Variants in SLC41A2 observed in about 807,000 individuals in gnomAD.
SLC41A2 encodes the protein SLC41A1-like 1.
A neutral mutation model predicts 58.3 loss-of-function variants in SLC41A2; 32 were observed. The observed-to-expected ratio is 0.55, with a 90% confidence interval of 0.41 to 0.74. The LOEUF (loss-of-function observed/expected upper bound fraction) is 0.74. SLC41A2 is among the 30% of genes least tolerant of loss of function. SLC41A2 has a pLI of 0.00. For missense variants in SLC41A2, 514 were observed against 680.6 expected, an observed-to-expected ratio of 0.76 and a Z score of 2.72; for synonymous variants, 190 against 235.0, an observed-to-expected ratio of 0.81 and a Z score of 1.75.
At chr12:104,884,423 C>T (rs1456264629) in intron 6 of SLC41A2, among the ~76,000 whole-genome samples, 2 of 152,160 alleles carry the variant, frequency 1.3e-5, no homozygotes, top group Non-Finnish European at 2.9e-5. Flanking sequence ...TCTTCTGCGT[C>T]GCTCACTGAG....
chr12:104,943,851 A>C (rs2047607933), intron 1 of SLC41A2, among the ~76,000 whole-genome samples: 1 of 152,142 alleles, frequency 6.6e-6, no homozygotes, highest in African/African-American at 2.4e-5. Context: ...TAGTAAAGAG[A>C]GCTCACTAAA....
chr12:104,877,205 A>T (rs1243177679), intron 6 of SLC41A2, among the ~76,000 whole-genome samples: 1 of 152,206 alleles, frequency 6.6e-6, no homozygotes, highest in East Asian at 1.9e-4. Flanking sequence ...TCTCAGCAGG[A>T]TGAATGGAGT....
rs375969264 is a variant in SLC41A2, at chr12:104,955,016, C to CTTTTTTTTTTT, written c.-168+3061_-168+3071dup. The stretch of plus-strand genomic sequence containing the variant: ...AACAGCCCCTGACTCTTGGCCCTTG[C>CTTTTTTTTTTT]TTTTTTTTTTTTTTTTTTTTTTTTG... On this transcript the variant is annotated intron_variant, in intron 1 of 10. Transcript: ENST00000258538. 5.1e-5 allele frequency among the ~76,000 whole-genome samples: 4 copies of CTTTTTTTTTTT among 79,168 alleles called. 1 individual carries two copies. Among genetic ancestry groups the CTTTTTTTTTTT allele is most frequent in the East Asian group, 4.6e-4 (1 of 2,190 alleles). 51.9% of individuals were successfully genotyped at this position (79,168 alleles called of 152,430 possible). A position where few individuals can be genotyped will look rare whatever the true frequency, so the allele number is the denominator to read the frequency against.
At chr12:104,890,163 G>A (rs2044881506) in intron 4 of SLC41A2, among the ~76,000 whole-genome samples, 1 of 152,104 alleles carries the variant, frequency 6.6e-6, no homozygotes, top group Admixed American at 6.6e-5. Flanking sequence ...TCCACGTGCT[G>A]GAATCGAGGG....
intron 6 of SLC41A2, among the ~76,000 whole-genome samples, chr12:104,868,748 A>G (rs1447392245): frequency 6.6e-6 from 1 of 152,258 alleles, no homozygotes; most frequent in Non-Finnish European, 1.5e-5. Flanking sequence ...TAGTATATCC[A>G]TAAATGGACT....
At chr12:104,822,734 T>C (rs2136243719) in intron 10 of SLC41A2, among the ~76,000 whole-genome samples, 1 of 152,224 alleles carries the variant, frequency 6.6e-6, no homozygotes, top group Admixed American at 6.5e-5. Flanking sequence ...AGAAAGATAA[T>C]TTTGAAATCT....
rs549309196 is a variant in SLC41A2, at chr12:104,894,038, G to A, written c.735+1236C>T. ...TGTAACACAGAGGATAAATGCTGGG[G>A]GGATGGATATACCATTTTAGATGAT... On this transcript the variant is annotated intron_variant, in intron 4 of 10. Transcript: ENST00000258538. Among the ~76,000 whole-genome samples, 22 of 152,222 alleles carry A rather than the reference G, an allele frequency of 1.4e-4. No individual in the cohort carries two copies. In the East Asian group the frequency reaches 2.9e-3, roughly 20 times the overall value.
At chr12:104,887,734 T>C (rs999116042) in intron 5 of SLC41A2, among the ~76,000 whole-genome samples, 2 of 151,966 alleles carry the variant, frequency 1.3e-5, no homozygotes, top group Admixed American at 6.6e-5. Flanking sequence ...CATAGTCCAG[T>C]GGAAAGAGCT....
At chr12:104,910,343 A>G (rs1349733574) in intron 2 of SLC41A2, among the ~76,000 whole-genome samples, 1 of 152,148 alleles carries the variant, frequency 6.6e-6, no homozygotes, top group East Asian at 1.9e-4. Flanking sequence ...AACAGCACTA[A>G]ACTGGAAATA....
intron 8 of SLC41A2, chr12:104,851,807 C>T (rs1476211228): frequency 1.3e-5 from 2 of 152,222 alleles, no homozygotes; most frequent in East Asian, 3.9e-4. Context: ...AACTCACTTT[C>T]TAAAGAAAAG....
chr12:104,805,051 G>A lies in SLC41A2; in HGVS notation c.*101C>T. On this transcript the variant is annotated 3_prime_UTR_variant, in exon 11 of 11. Coordinates refer to ENST00000258538, the MANE Select transcript of SLC41A2 (RefSeq NM_001352171.3). ...ATCAGGGCCAACTGAAGATTACCCT[G>A]GCAAAAGTCAAACTACTGATTTAAG... The A allele has an allele frequency of 9.3e-7, 1 of 1,072,718 alleles. No individual in the cohort carries two copies. The highest frequency in any genetic ancestry group is 1.3e-6 in the Non-Finnish European group (1 of 766,118). The allele number at this position is 1,072,718 out of a possible 1,614,324, so 66.4% of individuals were successfully genotyped here.
In SLC41A2 at chr12:104,804,998, T is replaced by TAA; in HGVS notation, c.*152_*153dup. 1.7e-6 allele frequency: 1 copy of TAA among 580,298 alleles called. No homozygotes were observed. The highest frequency in any genetic ancestry group is 2.9e-6 in the Non-Finnish European group (1 of 341,310). The allele number at this position is 580,298 out of a possible 1,614,324, so 35.9% of individuals were successfully genotyped here. On this transcript the variant is annotated 3_prime_UTR_variant, in exon 11 of 11. Transcript: ENST00000258538. ...CATTCTGGTTTTGACACAAATTCCT[T>TAA]AAAAAAAAATTAAGGCCATTTAATT...
At chr12:104,852,040 G>A (rs2042819855) in intron 8 of SLC41A2, 1 of 152,210 alleles carries the variant, frequency 6.6e-6, no homozygotes, top group Admixed American at 6.5e-5. Flanking sequence ...AAATGAAAAT[G>A]TCTCAGAAAT....
At chr12:104,822,856 G>A (rs555779345) in intron 10 of SLC41A2, among the ~76,000 whole-genome samples, 1 of 152,078 alleles carries the variant, frequency 6.6e-6, no homozygotes, top group South Asian at 2.1e-4. Context: ...CATAAAAAAG[G>A]TTAAGAAAAC....
chr12:104,860,441 C>T lies in SLC41A2; in HGVS notation c.1255+850G>A, dbSNP rs376686312. On this transcript the variant is annotated intron_variant, in intron 8 of 10. Coordinates refer to ENST00000258538, the MANE Select transcript of SLC41A2 (RefSeq NM_001352171.3). ...CTTTAATGACAGTCACCCCAGAAGC[C>T]GGTAGACTGGATTAAAATGATCTTA... Among the ~76,000 whole-genome samples the T allele has an allele frequency of 5.9e-4, 89 of 150,498 alleles. 1 individual carries two copies. Among genetic ancestry groups the T allele is most frequent in the African/African-American group, 2.0e-3 (83 of 41,048 alleles).
intron 8 of SLC41A2, among the ~76,000 whole-genome samples, chr12:104,853,766 C>T (rs1048230456): frequency 6.8e-6 from 1 of 146,430 alleles, no homozygotes; most frequent in Non-Finnish European, 1.5e-5. Flanking sequence ...TATTTAGAGA[C>T]AGGGTCCTGC....
chr12:104,844,412 C>T (rs2042528539), intron 10 of SLC41A2, 60 bp downstream of exon 10: 4 of 1,114,156 alleles, frequency 3.6e-6, no homozygotes, highest in Non-Finnish European at 3.6e-6. Flanking sequence ...TATATTTCCA[C>T]AGTTGTACTT....
At chr12:104,820,671 C>T (rs555124963) in intron 10 of SLC41A2, among the ~76,000 whole-genome samples, 146 of 151,616 alleles carry the variant, frequency 9.6e-4, no homozygotes, top group African/African-American at 3.2e-3. Flanking sequence ...GACAGAGTTT[C>T]GCTCTTGTCG....
chr12:104,861,349 G>A lies in SLC41A2; in HGVS notation c.1197C>T (p.Asp399=), dbSNP rs2043205161. The A allele has an allele frequency of 1.2e-6, 2 of 1,613,010 alleles. No individual in the cohort carries two copies. The highest frequency in any genetic ancestry group is 1.7e-6 in the Non-Finnish European group (2 of 1,179,268). ...VISSIGGLIL[D]TTVSDPNLVG... is the part of the protein sequence containing the mutation. ...CCAAGTTTGGGTCTGATACAGTTGT[G>A]TCCAGAATAAGGCCCCCAATGCTGA... The change falls in exon 8 of 11, where the codon GAC becomes GAT. Residue 399 remains aspartate, a synonymous_variant. Transcript: ENST00000258538.
Sources: gnomAD v4.1 joint callset for allele counts (sites outside exome capture counted in the v4.1 genomes callset) on GRCh38, gnomAD v4.1.1 for gene constraint, MANE v1.5 for transcripts, NCBI Gene and HGNC (gene_info 2026-07-23, HGNC 2026-07-21) for gene names.